The following TRAF3 variants were observed in gnomAD, a reference collection of about 807,000 sequenced individuals.
TRAF3 encodes TNF receptor-associated factor 3.
A neutral mutation model predicts 62.3 loss-of-function variants in TRAF3; 13 were observed. The ratio of observed to expected loss-of-function variants is 0.21; its 90% CI spans 0.14 to 0.33. The LOEUF (loss-of-function observed/expected upper bound fraction) is 0.33. TRAF3 is among the 10% of genes least tolerant of loss of function. The probability of loss-of-function intolerance (pLI) is 1.00; values close to 1 mark genes in which losing one functional copy is unlikely to be tolerated. For synonymous variants in TRAF3, 269 were observed against 283.4 expected (o/e 0.95, Z 0.51); for missense variants, 440 against 741.8 (o/e 0.59, Z 4.73).
Position 102,905,207 on chromosome 14 carries a change from T to A in TRAF3, c.1136-6T>A. ...TCATTCACCAAACCCTCCTCACCTG[T>A]GGCAGGCCTGCTGGAGTCCCAGCTG... On this transcript the variant is annotated splice_polypyrimidine_tract_variant and splice_region_variant and intron_variant, in intron 11 of 11. Transcript: ENST00000392745. The A allele has an allele frequency of 6.2e-7, 1 of 1,613,074 alleles. No homozygotes were observed. Among genetic ancestry groups the A allele is most frequent in the Non-Finnish European group, 8.5e-7 (1 of 1,180,022 alleles).
intron 6 of TRAF3, 100 bp downstream of exon 6, chr14:102,876,625 T>G: frequency 6.8e-7 from 1 of 1,469,670 alleles, no homozygotes; most frequent in South Asian, 1.2e-5. Flanking sequence ...CCACAGGCCT[T>G]CCCTCAACTC....
chr14:102,905,569 C>G lies in TRAF3; in HGVS notation c.1492C>G (p.Leu498Val). The change falls in exon 12 of 12, where the codon CTG (leucine) becomes GTG (valine). Residue 498 changes from leucine to valine, a missense_variant. Leu to Val is a conservative substitution (Grantham distance 32). Coordinates refer to ENST00000392745, the MANE Select transcript of TRAF3 (RefSeq NM_145725.3). The stretch of plus-strand genomic sequence containing the variant: ...GTTTAAGCAGAAAGTGACACTCATG[C>G]TGATGGATCAGGGGTCCTCTCGACG... ...WPFKQKVTLM[L>V]MDQGSSRRHL... is the part of the protein sequence containing the mutation. 2 of 1,614,224 alleles carry G rather than the reference C, an allele frequency of 1.2e-6. No individual in the cohort carries two copies. Among genetic ancestry groups the G allele is most frequent in the Non-Finnish European group, 1.7e-6 (2 of 1,180,038 alleles).
chr14:102,797,287 A>G (rs192113832), intron 1 of TRAF3, among the ~76,000 whole-genome samples: 2 of 152,346 alleles, frequency 1.3e-5, no homozygotes, highest in Admixed American at 6.5e-5. Flanking sequence ...GTGTAGTTCA[A>G]CCTGAAAAAA....
At chr14:102,828,930 G>A (rs542072074) in intron 1 of TRAF3, among the ~76,000 whole-genome samples, 7 of 152,208 alleles carry the variant, frequency 4.6e-5, no homozygotes, top group South Asian at 2.1e-4. Context: ...GGAACTTTTC[G>A]TCTTAAAAAA....
rs995184712 is a variant in TRAF3, at chr14:102,906,875, C to T, written c.*1091C>T. On this transcript the variant is annotated 3_prime_UTR_variant, in exon 12 of 12. Transcript: ENST00000392745. ...AACGGTCTCCGAAAGCAACGTTGTG[C>T]GTAGAGCTGGTGGCATACGGCCCAC... The T allele has an allele frequency of 1.3e-5, 2 of 152,208 alleles. No individual in the cohort carries two copies. The highest frequency in any genetic ancestry group is 2.1e-4 in the South Asian group (1 of 4,828). The allele number at this position is 152,208 out of a possible 1,614,324, so 9.4% of individuals were successfully genotyped here. A position where few individuals can be genotyped will look rare whatever the true frequency, so the allele number is the denominator to read the frequency against.
At chr14:102,899,861 T>C (rs1162977458) in intron 10 of TRAF3, among the ~76,000 whole-genome samples, 4 of 152,118 alleles carry the variant, frequency 2.6e-5, no homozygotes, top group Admixed American at 6.6e-5. Context: ...ATTTTACTTC[T>C]TAAATATCCT....
At chr14:102,820,434 T>C (rs1375879094) in intron 1 of TRAF3, among the ~76,000 whole-genome samples, 1 of 151,592 alleles carries the variant, frequency 6.6e-6, no homozygotes, top group East Asian at 1.9e-4. Flanking sequence ...CTTTAAACAT[T>C]AACTGGATTC....
At chr14:102,816,853 A>G (rs1326558621) in intron 1 of TRAF3, among the ~76,000 whole-genome samples, 1 of 152,210 alleles carries the variant, frequency 6.6e-6, no homozygotes, top group Non-Finnish European at 1.5e-5. Context: ...GGACCTGGGA[A>G]GCATTTGCTG....
chr14:102,882,979 A>G (rs1001643918), intron 6 of TRAF3, among the ~76,000 whole-genome samples: 26 of 152,220 alleles, frequency 1.7e-4, no homozygotes, highest in Admixed American at 4.6e-4. Flanking sequence ...GATGATAAAG[A>G]TCTCACCCTA....
chr14:102,903,435 G>T lies in TRAF3; in HGVS notation c.1135+6G>T. ...GCAAGTGGCTCGGAACACAGGTGAG[G>T]CAGGGGCCGGGGCCGGGCCAGCAGT... On this transcript the variant is annotated splice_donor_region_variant and intron_variant, in intron 11 of 11. Transcript: ENST00000392745. This position sits in a 1 kb window ranked among gnomAD's most constrained non-coding sequence, Gnocchi z 6.4. 6.2e-7 allele frequency: 1 copy of T among 1,613,504 alleles called. No individual in the cohort carries two copies. Among genetic ancestry groups the T allele is most frequent in the Non-Finnish European group, 8.5e-7 (1 of 1,179,818 alleles).
intron 1 of TRAF3, among the ~76,000 whole-genome samples, chr14:102,802,030 A>AAT (rs1491438378): frequency 5.2e-5 from 7 of 135,838 alleles, no homozygotes; most frequent in South Asian, 4.8e-4. Context: ...AAAAAAAAAA[A>AAT]TTTTTTTTTT....
At chr14:102,864,297 C>T (rs1053441002) in intron 2 of TRAF3, among the ~76,000 whole-genome samples, 4 of 151,776 alleles carry the variant, frequency 2.6e-5, no homozygotes, top group East Asian at 1.9e-4. Flanking sequence ...TACAGGCACC[C>T]GCCACCACGC....
intron 7 of TRAF3, among the ~76,000 whole-genome samples, chr14:102,886,691 G>T (rs1790034498): frequency 6.6e-6 from 1 of 150,930 alleles, no homozygotes; most frequent in African/African-American, 2.4e-5. Context: ...GGGAGGCGGA[G>T]GTTGAACAGA....
intron 2 of TRAF3, among the ~76,000 whole-genome samples, chr14:102,851,932 G>C (rs1449128377): frequency 6.6e-6 from 1 of 151,734 alleles, no homozygotes; most frequent in African/African-American, 2.4e-5. Context: ...GTGCATGCCT[G>C]TAGTCCCAGC....
At chr14:102,876,680 T>C (rs1373091138) in intron 6 of TRAF3, 155 bp downstream of exon 6, 1 of 1,030,818 alleles carries the variant, frequency 9.7e-7, no homozygotes, top group Non-Finnish European at 1.4e-6. Context: ...TCATAGATAT[T>C]CCGTTCCACA....
At chr14:102,848,491 A>G (rs1193676932) in intron 2 of TRAF3, among the ~76,000 whole-genome samples, 1 of 152,344 alleles carries the variant, frequency 6.6e-6, no homozygotes, top group South Asian at 2.1e-4. Context: ...GAAGTTTGAA[A>G]TGTTTGCATC....
At chr14:102,870,130 G>GT in intron 2 of TRAF3, 55 bp from the exon 3 acceptor site, 3 of 1,612,838 alleles carry the variant, frequency 1.9e-6, no homozygotes, top group Non-Finnish European at 2.5e-6. Flanking sequence ...CCAAAGCTGT[G>GT]TTTGTTTCCT....
At chr14:102,824,391 T>TA (rs1900167290) in intron 1 of TRAF3, among the ~76,000 whole-genome samples, 2 of 152,390 alleles carry the variant, frequency 1.3e-5, no homozygotes, top group South Asian at 2.1e-4. Flanking sequence ...AGTATGTATC[T>TA]AAGCCAAATA....
chr14:102,856,686 A>G (rs1409313178), intron 2 of TRAF3, among the ~76,000 whole-genome samples: 1 of 152,002 alleles, frequency 6.6e-6, no homozygotes, highest in Non-Finnish European at 1.5e-5. Flanking sequence ...CCTATTCAAG[A>G]TGGAGTTTCT....
Sources: gnomAD v4.1 joint callset for allele counts (sites outside exome capture counted in the v4.1 genomes callset) on GRCh38, gnomAD v4.1.1 for gene constraint, Gnocchi (gnomAD v3.1) non-coding constraint, MANE v1.5 for transcripts, NCBI Gene and HGNC (gene_info 2026-07-23, HGNC 2026-07-21) for gene names.